The following DPH6 variants were observed in gnomAD, a reference collection of about 807,000 sequenced individuals.
DPH6 encodes the protein diphthine--ammonia ligase.
DPH6 carries 33 observed loss-of-function variants against 38.2 expected under a neutral mutation model. That is an observed-to-expected ratio of 0.86 (90% confidence interval 0.65 to 1.15). The LOEUF (loss-of-function observed/expected upper bound fraction) is 1.15. DPH6 is among the 50% of genes most tolerant of loss of function. The pLI is 0.00. For synonymous variants in DPH6, 108 were observed against 103.0 expected, an observed-to-expected ratio of 1.05 and a Z score of -0.30; for missense variants, 325 against 320.0, an observed-to-expected ratio of 1.02 and a Z score of -0.12.
intron 3 of DPH6, among the ~76,000 whole-genome samples, chr15:35,251,788 AAC>A (rs1055090308): frequency 1.3e-5 from 2 of 152,226 alleles, no homozygotes; most frequent in African/African-American, 4.8e-5. Flanking sequence ...AAGTGAATGA[AAC>A]AACAGCACTG....
At chr15:35,423,527 CAGA>C (rs2053532144) in intron 5 of DPH6, among the ~76,000 whole-genome samples, 2 of 151,570 alleles carry the variant, frequency 1.3e-5, no homozygotes, top group South Asian at 2.1e-4. Context: ...CTTTGCTGTG[CAGA>C]AGCTTTTTAG....
chr15:35,386,623 T>G lies in DPH6; in HGVS notation c.568-4707A>C, dbSNP rs535728448. The stretch of plus-strand genomic sequence containing the variant: ...ATGATGAGCATTTTTTCATGTGTTT[T>G]TTGACTGCATAAATGTCTTCTTTTG... On this transcript the variant is annotated intron_variant, in intron 6 of 8. Transcript: ENST00000256538. 1.4e-3 allele frequency among the ~76,000 whole-genome samples: 214 copies of G among 152,336 alleles called. 1 individual carries two copies. The highest frequency in any genetic ancestry group is 4.9e-3 in the African/African-American group (202 of 41,590).
At chr15:35,520,237 A>ACT in intron 3 of DPH6, 1 of 812,792 alleles carries the variant, frequency 1.2e-6, no homozygotes, top group Non-Finnish European at 1.5e-6. Flanking sequence ...AAACAAAAAA[A>ACT]AAACAAAAGA....
the DPH6 span, among the ~76,000 whole-genome samples, chr15:35,153,311 A>G: frequency 6.6e-6 from 1 of 152,152 alleles, no homozygotes; most frequent in African/African-American, 2.4e-5. Flanking sequence ...TAAATTTACA[A>G]AGATTAAAAT....
chr15:35,226,766 T>TA (rs1426249647), intron 3 of DPH6, among the ~76,000 whole-genome samples: 1 of 152,240 alleles, frequency 6.6e-6, no homozygotes, highest in East Asian at 1.9e-4. Flanking sequence ...CAAAGCAATC[T>TA]ACAGGTTGAA....
At chr15:35,168,217 C>G in the DPH6 span, among the ~76,000 whole-genome samples, 6 of 151,902 alleles carry the variant, frequency 3.9e-5, 1 homozygote, top group Admixed American at 3.3e-4. Flanking sequence ...AATTAAGAAC[C>G]TTGTTATGGC....
chr15:35,480,482 A>G (rs1690312932), intron 3 of DPH6, among the ~76,000 whole-genome samples: 1 of 152,082 alleles, frequency 6.6e-6, no homozygotes, highest in Non-Finnish European at 1.5e-5. Context: ...ATTAAATCTT[A>G]AGGCTATGTA....
intron 3 of DPH6, among the ~76,000 whole-genome samples, chr15:35,277,775 T>C (rs902854137): frequency 6.6e-6 from 1 of 152,110 alleles, no homozygotes; most frequent in African/African-American, 2.4e-5. Context: ...CTTGGCTGCA[T>C]TGTGTTCATG....
chr15:35,154,483 T>C, the DPH6 span, among the ~76,000 whole-genome samples: 26 of 152,180 alleles, frequency 1.7e-4, no homozygotes, highest in African/African-American at 6.0e-4. Context: ...ATCTGGCATG[T>C]AATAGGGCCT....
intron 6 of DPH6, among the ~76,000 whole-genome samples, chr15:35,385,292 C>A (rs1236165758): frequency 1.3e-5 from 2 of 152,182 alleles, no homozygotes; most frequent in African/African-American, 2.4e-5. Context: ...GATTATAAAT[C>A]ATTCTACTAT....
intron 3 of DPH6, among the ~76,000 whole-genome samples, chr15:35,460,232 AG>A (rs2054047501): frequency 1.3e-5 from 2 of 150,960 alleles, no homozygotes; most frequent in Admixed American, 6.6e-5. Context: ...AGATCCTCAG[AG>A]GAAAAAAAAG....
the DPH6 span, among the ~76,000 whole-genome samples, chr15:35,151,170 C>T: frequency 8.5e-5 from 13 of 152,260 alleles, no homozygotes; most frequent in Middle Eastern, 3.4e-3. Context: ...TCTAGTAATT[C>T]ATGTTAGGAT....
chr15:35,307,976 A>T (rs1160552392), intron 3 of DPH6, among the ~76,000 whole-genome samples: 2 of 152,154 alleles, frequency 1.3e-5, no homozygotes, highest in Non-Finnish European at 2.9e-5. Flanking sequence ...ACCTCTGAGG[A>T]AATAAAAACT....
intron 3 of DPH6, among the ~76,000 whole-genome samples, chr15:35,364,084 T>C (rs935417925): frequency 3.3e-5 from 5 of 152,040 alleles, no homozygotes; most frequent in African/African-American, 1.2e-4. Context: ...TGATATTCTA[T>C]CTGGAATAAT....
At chr15:35,269,082 A>G (rs1185484870) in intron 3 of DPH6, among the ~76,000 whole-genome samples, 2 of 152,192 alleles carry the variant, frequency 1.3e-5, no homozygotes, top group African/African-American at 4.8e-5. Flanking sequence ...GCTGCTATTC[A>G]GACTTATCCC....
chr15:35,469,745 A>T (rs4923998), intron 3 of DPH6, among the ~76,000 whole-genome samples: 95,946 of 152,106 alleles, frequency 0.63, 33,791 homozygotes, highest in South Asian at 0.82. Flanking sequence ...AAAAAACAGG[A>T]ATAATCAGGT....
At chr15:35,392,610 T>C (rs1022253237) in intron 6 of DPH6, among the ~76,000 whole-genome samples, 1 of 152,204 alleles carries the variant, frequency 6.6e-6, no homozygotes, top group Non-Finnish European at 1.5e-5. Context: ...GGGATAAAAA[T>C]GGGAGCAGCC....
At chr15:35,455,958 TAATA>T (rs2053990954) in intron 3 of DPH6, among the ~76,000 whole-genome samples, 1 of 152,180 alleles carries the variant, frequency 6.6e-6, no homozygotes, top group Non-Finnish European at 1.5e-5. Context: ...AAGGATGCCA[TAATA>T]AATAAACAAA....
chr15:35,161,333 T>C, the DPH6 span, among the ~76,000 whole-genome samples: 3 of 151,992 alleles, frequency 2.0e-5, no homozygotes, highest in East Asian at 3.9e-4. Flanking sequence ...ACATCCCTTT[T>C]GTGGTTTTAA....
Sources: gnomAD v4.1 joint callset for allele counts (sites outside exome capture counted in the v4.1 genomes callset) on GRCh38, gnomAD v4.1.1 for gene constraint, MANE v1.5 for transcripts, NCBI Gene and HGNC (gene_info 2026-07-23, HGNC 2026-07-21) for gene names.